The following BMX variants were observed in gnomAD, a reference collection of about 807,000 sequenced individuals.
BMX encodes the protein BMX non-receptor tyrosine kinase.
BMX carries 31 observed loss-of-function variants against 59.2 expected under a neutral mutation model. That is an observed-to-expected ratio of 0.52 (90% confidence interval 0.39 to 0.71). The LOEUF is 0.71. BMX is among the 30% of genes least tolerant of loss of function. BMX has a pLI of 0.00. For synonymous variants in BMX, 185 were observed against 181.0 expected, an observed-to-expected ratio of 1.02 and a Z score of -0.18; for missense variants, 474 against 491.7, an observed-to-expected ratio of 0.96 and a Z score of 0.34.
At chrX:15,523,390 T>C (rs1468346723) in intron 7 of BMX, among the ~76,000 whole-genome samples, 1 of 112,498 alleles carries the variant, frequency 8.9e-6, no homozygotes, top group Non-Finnish European at 1.9e-5. Context: ...TTTTCCCATG[T>C]CCTTTTATTC....
chrX:15,520,021 C>A (rs1924369034), intron 6 of BMX, among the ~76,000 whole-genome samples: 1 of 111,901 alleles, frequency 8.9e-6, no homozygotes, highest in African/African-American at 3.2e-5. Flanking sequence ...CAAACCATAG[C>A]AACTTGGAAC....
intron 3 of BMX, among the ~76,000 whole-genome samples, chrX:15,510,856 T>C (rs1421987173): frequency 8.9e-6 from 1 of 112,387 alleles, no homozygotes; most frequent in Non-Finnish European, 1.9e-5. Flanking sequence ...TTCAAACGTT[T>C]AAACATTTGT....
chrX:15,538,335 A>G (rs1318640074), intron 14 of BMX, among the ~76,000 whole-genome samples: 1 of 111,098 alleles, frequency 9.0e-6, no homozygotes, highest in Admixed American at 9.6e-5. Context: ...TTAGCACTGA[A>G]AGTCCTGTGT....
In BMX at chrX:15,522,294, T is replaced by A; in HGVS notation, c.511-52T>A. 3 of 1,187,377 alleles carry A rather than the reference T, an allele frequency of 2.5e-6. No individual in the cohort carries two copies. The South Asian group carries it at 5.6e-5, about 22-fold the overall frequency. On this transcript the variant is annotated intron_variant, in intron 6 of 18. Coordinates refer to ENST00000348343, the MANE Select transcript of BMX (RefSeq NM_203281.3). ...GATATACTTAATTGTCAGTTCCCGGTACCTGAATCTGTGCCTCACTGTGAT... is the reference window on the plus strand; with the variant it reads ...GATATACTTAATTGTCAGTTCCCGGAACCTGAATCTGTGCCTCACTGTGAT...
chrX:15,537,627 C>T (rs1042548158), intron 14 of BMX, among the ~76,000 whole-genome samples: 2 of 111,294 alleles, frequency 1.8e-5, no homozygotes, highest in African/African-American at 3.3e-5. Flanking sequence ...TACCCAACTC[C>T]GTCCTGCACT....
chrX:15,535,612 A>G (rs1925292749), intron 12 of BMX, among the ~76,000 whole-genome samples: 1 of 111,883 alleles, frequency 8.9e-6, no homozygotes, highest in Non-Finnish European at 1.9e-5. Context: ...TATAATTCAC[A>G]CCAAATATAT....
At chrX:15,512,273 AG>A (rs2147106099) in intron 4 of BMX, among the ~76,000 whole-genome samples, 1 of 112,090 alleles carries the variant, frequency 8.9e-6, no homozygotes, top group African/African-American at 3.2e-5. Context: ...AGATGGGTAA[AG>A]GTGTGAAGAC....
chrX:15,523,016 C>T (rs1205668561), intron 7 of BMX, among the ~76,000 whole-genome samples: 1 of 112,422 alleles, frequency 8.9e-6, no homozygotes, highest in African/African-American at 3.2e-5. Context: ...AACCTCACCT[C>T]TCCTGACCTG....
chrX:15,536,751 G>T (rs942596108), intron 13 of BMX, among the ~76,000 whole-genome samples: 4 of 110,793 alleles, frequency 3.6e-5, no homozygotes, highest in Non-Finnish European at 5.7e-5. Flanking sequence ...AACCTTGTGT[G>T]TTAGGACGAT....
intron 16 of BMX, 103 bp downstream of exon 16, chrX:15,543,238 AT>A: frequency 2.6e-6 from 2 of 770,419 alleles, no homozygotes; most frequent in Non-Finnish European, 3.8e-6. Context: ...GGTGCTCTGA[AT>A]TGGGGGCTTA....
chrX:15,539,085 T>C (rs1444871852), intron 14 of BMX, among the ~76,000 whole-genome samples: 1 of 111,144 alleles, frequency 9.0e-6, no homozygotes, highest in Admixed American at 9.6e-5. Flanking sequence ...CCTTCAGTGA[T>C]TGGACTGTCA....
chrX:15,544,235 T>C (rs1051844245), intron 16 of BMX, among the ~76,000 whole-genome samples: 4 of 111,031 alleles, frequency 3.6e-5, no homozygotes, highest in Non-Finnish European at 7.6e-5. Context: ...AATTCAGTGT[T>C]AGGGGATGCT....
At chrX:15,538,051 C>T (rs1362172179) in intron 14 of BMX, among the ~76,000 whole-genome samples, 1 of 110,723 alleles carries the variant, frequency 9.0e-6, no homozygotes, top group African/African-American at 3.3e-5. Context: ...CAGTCTAATA[C>T]TCTTCCTAAT....
intron 6 of BMX, 129 bp downstream of exon 6, chrX:15,518,122 T>C: frequency 2.1e-6 from 1 of 486,092 alleles, no homozygotes; most frequent in Non-Finnish European, 3.4e-6. Flanking sequence ...AACCATGAGC[T>C]CTAGATAATA....
intron 6 of BMX, among the ~76,000 whole-genome samples, chrX:15,519,438 AG>A (rs1460443803): frequency 8.9e-6 from 1 of 111,858 alleles, no homozygotes; most frequent in Non-Finnish European, 1.9e-5. Flanking sequence ...AGATGTAATT[AG>A]TTAAAGATCA....
chrX:15,542,261 TG>T (rs1236936922), intron 15 of BMX, 63 bp downstream of exon 15: 1 of 1,069,441 alleles, frequency 9.4e-7, no homozygotes, highest in African/African-American at 1.8e-5. Flanking sequence ...CTTCTGGAGA[TG>T]GGGTCACTGG....
rs777599942 is a variant in BMX at position 15,533,022 on chromosome X, G to A, written c.1020-1190G>A. 4.4e-5 allele frequency among the ~76,000 whole-genome samples: 5 copies of A among 112,429 alleles called. No individual in the cohort carries two copies. The South Asian group carries it at 1.8e-3, about 41-fold the overall frequency. On this transcript the variant is annotated intron_variant, in intron 11 of 18. Transcript: ENST00000348343. ...GTAGATAAATCAGCAAATAGATAAAGAATCAAATGAATACAGAAGCCCTCT... is the reference window on the plus strand; with the variant it reads ...GTAGATAAATCAGCAAATAGATAAAAAATCAAATGAATACAGAAGCCCTCT...
chrX:15,525,989 G>A, intron 8 of BMX, 53 bp from the exon 9 acceptor site: 1 of 1,058,732 alleles, frequency 9.4e-7, no homozygotes, highest in Non-Finnish European at 1.3e-6. Flanking sequence ...CTACGCACTT[G>A]GATTATTTCT....
intron 1 of BMX, among the ~76,000 whole-genome samples, chrX:15,503,409 A>G (rs972824697): frequency 8.9e-6 from 1 of 112,394 alleles, no homozygotes; most frequent in Non-Finnish European, 1.9e-5. Flanking sequence ...GGGTAGTTTC[A>G]CCAAACTATG....
Sources: allele counts gnomAD v4.1 joint callset (sites outside exome capture counted in the v4.1 genomes callset), GRCh38; gene constraint gnomAD v4.1.1; transcripts MANE v1.5; gene names NCBI Gene and HGNC (gene_info 2026-07-23, HGNC 2026-07-21).